The following BFSP2 variants were observed in gnomAD, a reference collection of about 807,000 sequenced individuals.
BFSP2 encodes the protein beaded filament structural protein 2.
A neutral mutation model predicts 44.9 loss-of-function variants in BFSP2; 38 were observed. The observed-to-expected ratio is 0.85, with a 90% CI of 0.65 to 1.11. BFSP2 has a LOEUF of 1.11. BFSP2 is among the 50% of genes least tolerant of loss of function. The pLI is 0.00. For missense variants in BFSP2, 525 were observed against 533.0 expected, an observed-to-expected ratio of 0.99 and a Z score of 0.15; for synonymous variants, 197 against 209.9, an observed-to-expected ratio of 0.94 and a Z score of 0.53.
intron 5 of BFSP2, among the ~76,000 whole-genome samples, chr3:133,470,185 C>G (rs777596822): frequency 3.0e-4 from 45 of 152,160 alleles, no homozygotes; most frequent in Non-Finnish European, 5.1e-4. Context: ...TTCTAGTGAT[C>G]ACGTTTTGCC....
chr3:133,450,358 C>T lies in BFSP2; in HGVS notation c.785C>T (p.Ala262Val), dbSNP rs762266400. 1 of 1,614,160 alleles carries T rather than the reference C, an allele frequency of 6.2e-7. No homozygotes were observed. Among genetic ancestry groups the T allele is most frequent in the Non-Finnish European group, 8.5e-7 (1 of 1,180,032 alleles). Residue 262 changes from alanine (A) to valine (V), a missense_variant, in exon 4 of 7, where the codon GCT (alanine) becomes GTT (valine). Physicochemically the swap from Ala to Val is moderately conservative, Grantham distance 64 (BLOSUM62 0). Coordinates refer to ENST00000302334, the MANE Select transcript of BFSP2 (RefSeq NM_003571.4). ...GGGTGTGAGCTGGAACAAATGGATG[C>T]TCCCATTGGCACTGGTCTGGACGAC... Reference protein sequence around the residue: ...LAGCELEQMDAPIGTGLDDIL... With the variant: ...LAGCELEQMDVPIGTGLDDIL...
chr3:133,410,712 T>C (rs538559470), intron 1 of BFSP2: 3 of 252,812 alleles, frequency 1.2e-5, no homozygotes, highest in Admixed American at 4.3e-5. Context: ...CGGACAGGAG[T>C]CTGTGGAACC....
chr3:133,456,295 T>A (rs1423192614), intron 4 of BFSP2, among the ~76,000 whole-genome samples: 2 of 152,202 alleles, frequency 1.3e-5, no homozygotes, highest in Non-Finnish European at 2.9e-5. Context: ...TGAAGACAAG[T>A]GAATAGATTG....
chr3:133,406,141 T>C (rs149239824), intron 1 of BFSP2, among the ~76,000 whole-genome samples: 5,232 of 150,284 alleles, frequency 0.035, 309 homozygotes, highest in African/African-American at 0.12. Context: ...GTATTTTTAG[T>C]AGAGACAGGG....
rs117540821 is a variant in BFSP2 at position 133,419,540 on chromosome 3, C to T, written c.489+18968C>T. Among the ~76,000 whole-genome samples, 7 of 152,284 alleles carry T rather than the reference C, an allele frequency of 4.6e-5. No homozygotes were observed. The East Asian group carries it at 9.7e-4, about 21-fold the overall frequency. ...AGATAGAGCTATAGTCGACACAGGCCCCACTCTGTGAGTTCAGACTTTGGG... is the reference window on the plus strand; with the variant it reads ...AGATAGAGCTATAGTCGACACAGGCTCCACTCTGTGAGTTCAGACTTTGGG... On this transcript the variant is annotated intron_variant, in intron 1 of 6. Coordinates refer to ENST00000302334, the MANE Select transcript of BFSP2 (RefSeq NM_003571.4).
At chr3:133,432,529 G>A (rs978797769) in intron 1 of BFSP2, among the ~76,000 whole-genome samples, 5 of 152,092 alleles carry the variant, frequency 3.3e-5, no homozygotes, top group African/African-American at 1.2e-4. Flanking sequence ...TCTTTCTCAT[G>A]ATTTACTTTC....
chr3:133,443,932 A>G (rs1191605047), intron 1 of BFSP2, among the ~76,000 whole-genome samples: 2 of 152,034 alleles, frequency 1.3e-5, no homozygotes, highest in Non-Finnish European at 2.9e-5. Flanking sequence ...TAACACAATG[A>G]TGGTCAAATC....
intron 1 of BFSP2, among the ~76,000 whole-genome samples, chr3:133,424,223 T>TGTGTGTGTGTGTGTG (rs777798163): frequency 9.6e-6 from 1 of 104,004 alleles, no homozygotes; most frequent in Admixed American, 8.5e-5. Context: ...TTTTTTTTTT[T>TGTGTGTGTGTGTGTG]TTTTTTTTTT....
intron 1 of BFSP2, among the ~76,000 whole-genome samples, chr3:133,425,122 C>T (rs1040873404): frequency 2.0e-5 from 3 of 152,190 alleles, no homozygotes; most frequent in East Asian, 3.8e-4. Context: ...CTCAGTATGA[C>T]ATTGTCATGG....
intron 4 of BFSP2, among the ~76,000 whole-genome samples, chr3:133,460,223 A>G (rs947225456): frequency 1.3e-5 from 2 of 152,204 alleles, no homozygotes; most frequent in Non-Finnish European, 2.9e-5. Context: ...TCTTCCCAAC[A>G]TGAGATAGGT....
At chr3:133,401,541 AGT>A (rs1395211865) in intron 1 of BFSP2, among the ~76,000 whole-genome samples, 1 of 151,974 alleles carries the variant, frequency 6.6e-6, no homozygotes, top group Non-Finnish European at 1.5e-5. Context: ...ATTTCTGCGG[AGT>A]CTGGAGCACA....
At chr3:133,405,101 AG>A (rs1327986874) in intron 1 of BFSP2, among the ~76,000 whole-genome samples, 1 of 152,224 alleles carries the variant, frequency 6.6e-6, no homozygotes, top group East Asian at 1.9e-4. Context: ...TGCAGATGAA[AG>A]GAGAGTGGGG....
intron 1 of BFSP2, among the ~76,000 whole-genome samples, chr3:133,436,628 TA>T (rs2073785842): frequency 6.6e-6 from 1 of 152,230 alleles, no homozygotes; most frequent in African/African-American, 2.4e-5. Context: ...TATTATACTT[TA>T]AGTTCTAGGG....
intron 2 of BFSP2, among the ~76,000 whole-genome samples, 194 bp downstream of exon 2, chr3:133,447,593 G>T (rs955333230): frequency 2.0e-5 from 3 of 152,054 alleles, no homozygotes; most frequent in African/African-American, 7.2e-5. Context: ...CAAAGATTTT[G>T]CCCACTGTCA....
chr3:133,421,620 G>A (rs1459744632), intron 1 of BFSP2, among the ~76,000 whole-genome samples: 1 of 152,220 alleles, frequency 6.6e-6, no homozygotes, highest in Non-Finnish European at 1.5e-5. Context: ...GGTACTGGGG[G>A]TCAGGACTGC....
intron 1 of BFSP2, among the ~76,000 whole-genome samples, chr3:133,416,413 T>C: frequency 7.7e-6 from 1 of 130,552 alleles, no homozygotes; most frequent in African/African-American, 2.9e-5. Context: ...TCCCCTCTAC[T>C]CTCCCCTATA....
In BFSP2 at chr3:133,400,285, G is replaced by A. The variant is rs1386112776; in HGVS notation, c.202G>A (p.Gly68Ser). The A allele has an allele frequency of 6.2e-7, 1 of 1,614,030 alleles. No homozygotes were observed. Among genetic ancestry groups the A allele is most frequent in the Non-Finnish European group, 8.5e-7 (1 of 1,180,016 alleles). The change falls in exon 1 of 7, where the codon GGC (glycine) becomes AGC (serine). Residue 68 changes from glycine (G) to serine (S), a missense_variant. By Grantham distance (56) the Gly-to-Ser change is moderately conservative. Transcript: ENST00000302334. This position sits in a 1 kb window ranked among gnomAD's most constrained non-coding sequence, Gnocchi z 4.0. ...VGTAPSGCIG[G>S]LGARVTRRAL... is the part of the protein sequence containing the mutation. ...AACAGCACCCAGTGGGTGCATAGGT[G>A]GCTTGGGTGCCCGTGTGACCCGCCG...
intron 4 of BFSP2, among the ~76,000 whole-genome samples, chr3:133,454,079 G>T (rs1225472261): frequency 6.6e-6 from 1 of 152,076 alleles, no homozygotes; most frequent in Non-Finnish European, 1.5e-5. Context: ...CTAATGCAGG[G>T]TACTCAGGGA....
chr3:133,436,770 T>A (rs1482928456), intron 1 of BFSP2, among the ~76,000 whole-genome samples: 2 of 152,054 alleles, frequency 1.3e-5, no homozygotes, highest in Non-Finnish European at 2.9e-5. Flanking sequence ...CCCACCCCAC[T>A]ACAGGCCCTG....
Sources: allele counts gnomAD v4.1 joint callset (sites outside exome capture counted in the v4.1 genomes callset), GRCh38; gene constraint gnomAD v4.1.1; non-coding constraint Gnocchi (gnomAD v3.1); transcripts MANE v1.5; gene names NCBI Gene and HGNC (gene_info 2026-07-23, HGNC 2026-07-21).